MAPKAP1: variants seen among roughly 807,000 people sequenced by gnomAD.
MAPKAP1 encodes MAPK associated protein 1, also known as target of rapamycin complex 2 subunit MAPKAP1.
A neutral mutation model predicts 65.7 loss-of-function variants in MAPKAP1; 20 were observed. The observed-to-expected ratio is 0.30, with a 90% CI of 0.21 to 0.44. MAPKAP1 has a LOEUF of 0.44. Ranked by LOEUF, MAPKAP1 falls within the 20% of genes least tolerant of loss-of-function variation. The pLI is 1.00. For synonymous variants in MAPKAP1, 222 were observed against 244.3 expected, an observed-to-expected ratio of 0.91 and a Z score of 0.85; for missense variants, 423 against 648.0, an observed-to-expected ratio of 0.65 and a Z score of 3.77.
At chr9:125,523,402 T>C (rs1251026380) in intron 7 of MAPKAP1, among the ~76,000 whole-genome samples, 3 of 152,094 alleles carry the variant, frequency 2.0e-5, no homozygotes, top group Non-Finnish European at 4.4e-5. Context: ...ATTTAAGCAG[T>C]TGGGAGAATT....
chr9:125,608,870 T>C (rs1832515949), intron 4 of MAPKAP1, among the ~76,000 whole-genome samples: 1 of 152,162 alleles, frequency 6.6e-6, no homozygotes, highest in Admixed American at 6.5e-5. Context: ...AAGAGAAATA[T>C]ACAAAGATGA....
At chr9:125,494,979 C>T (rs1422600007) in intron 8 of MAPKAP1, among the ~76,000 whole-genome samples, 1 of 152,164 alleles carries the variant, frequency 6.6e-6, no homozygotes, top group Non-Finnish European at 1.5e-5. Flanking sequence ...AAAGTGAATC[C>T]AATACCCTTT....
intron 6 of MAPKAP1, among the ~76,000 whole-genome samples, chr9:125,557,631 C>G (rs762013778): frequency 4.1e-5 from 6 of 147,394 alleles, no homozygotes; most frequent in Non-Finnish European, 7.4e-5. Flanking sequence ...TAATGACCAT[C>G]ATCATCAAAT....
chr9:125,484,560 C>T lies in MAPKAP1; in HGVS notation c.1090G>A (p.Glu364Lys), dbSNP rs1368517302. The T allele has an allele frequency of 1.9e-6, 3 of 1,610,816 alleles. No homozygotes were observed. The highest frequency in any genetic ancestry group is 1.7e-6 in the Non-Finnish European group (2 of 1,178,582). ...ENSSRADGVFEEDSQIDIATV... is the reference protein window; with the variant it reads ...ENSSRADGVFKEDSQIDIATV... Reference sequence around the variant, plus strand: ...GCTATGTCAATTTGCGAATCCTCCTCAAAAACCCCGTCTGCCCTTGAACCT... The same window carrying T: ...GCTATGTCAATTTGCGAATCCTCCTTAAAAACCCCGTCTGCCCTTGAACCT... Residue 364 changes from glutamate to lysine, a missense_variant, in exon 9 of 12, where the codon GAG (glutamate) becomes AAG (lysine). By Grantham distance (56) the Glu-to-Lys change is moderately conservative. Transcript: ENST00000265960.
intron 8 of MAPKAP1, among the ~76,000 whole-genome samples, chr9:125,504,953 T>C (rs745316787): frequency 6.6e-6 from 1 of 152,200 alleles, no homozygotes; most frequent in African/African-American, 2.4e-5. Flanking sequence ...CTACAGCAGA[T>C]CTATATGAAG....
At chr9:125,585,850 T>C in intron 4 of MAPKAP1, 123 bp from the exon 5 acceptor site, 1 of 891,412 alleles carries the variant, frequency 1.1e-6, no homozygotes, top group Admixed American at 2.7e-5. Context: ...ACTGTGACCA[T>C]GGAATGGTCC....
chr9:125,475,862 G>C (rs1441235094), intron 9 of MAPKAP1, among the ~76,000 whole-genome samples: 3 of 152,196 alleles, frequency 2.0e-5, no homozygotes, highest in East Asian at 1.9e-4. Context: ...GGGAAAACCT[G>C]ATCTTCCCCA....
chr9:125,622,228 A>C (rs1832924867), intron 4 of MAPKAP1, among the ~76,000 whole-genome samples: 1 of 152,116 alleles, frequency 6.6e-6, no homozygotes, highest in Non-Finnish European at 1.5e-5. Flanking sequence ...ACTGTAGGGT[A>C]AGTGGTTAAT....
chr9:125,627,599 AT>A (rs1833152263), intron 4 of MAPKAP1, among the ~76,000 whole-genome samples: 2 of 151,710 alleles, frequency 1.3e-5, no homozygotes, highest in South Asian at 4.2e-4. Context: ...ACTCTTTTTT[AT>A]TTTTTTTAAG....
At chr9:125,462,671 G>A (rs1269616052) in intron 10 of MAPKAP1, among the ~76,000 whole-genome samples, 1 of 152,194 alleles carries the variant, frequency 6.6e-6, no homozygotes, top group South Asian at 2.1e-4. Context: ...GGAGCTATTT[G>A]CAAACCTATG....
At chr9:125,624,014 C>G (rs1266971815) in intron 4 of MAPKAP1, among the ~76,000 whole-genome samples, 2 of 40,696 alleles carry the variant, frequency 4.9e-5, no homozygotes, top group Admixed American at 2.3e-4. Flanking sequence ...GGCCAGCCGC[C>G]CCGTCTGGGA....
chr9:125,581,166 G>A (rs1831613006), intron 5 of MAPKAP1, among the ~76,000 whole-genome samples: 1 of 152,222 alleles, frequency 6.6e-6, no homozygotes, highest in Non-Finnish European at 1.5e-5. Context: ...ATACACATTT[G>A]TATACAGGTT....
Position 125,444,374 on chromosome 9 carries a change from C to T in MAPKAP1, c.1443+127G>A, listed in dbSNP as rs2132926570. On this transcript the variant is annotated intron_variant, in intron 11 of 11. Coordinates refer to ENST00000265960, the MANE Select transcript of MAPKAP1 (RefSeq NM_001006617.3). ...GCTGGCAAGCTGCGACACTCCTCCT[C>T]TGCCAAACTGGGCCCGGGAACCTTC... is the stretch of plus-strand genomic sequence containing the variant. The T allele has an allele frequency of 5.6e-6, 4 of 711,124 alleles. No homozygotes were observed. In the South Asian group the frequency reaches 7.8e-5, roughly 14 times the overall value. 44.1% of individuals were successfully genotyped at this position (711,124 alleles called of 1,614,324 possible).
At chr9:125,635,488 A>C (rs2131696518) in intron 4 of MAPKAP1, among the ~76,000 whole-genome samples, 1 of 152,324 alleles carries the variant, frequency 6.6e-6, no homozygotes, top group East Asian at 1.9e-4. Flanking sequence ...AACAGAGATC[A>C]CTGCTCTACT....
intron 3 of MAPKAP1, among the ~76,000 whole-genome samples, chr9:125,665,171 G>A (rs1230321915): frequency 6.6e-6 from 1 of 152,064 alleles, no homozygotes; most frequent in African/African-American, 2.4e-5. Flanking sequence ...AGCCAAGCAT[G>A]GTGGCACACG....
At chr9:125,503,175 GACA>G (rs1194365261) in intron 8 of MAPKAP1, among the ~76,000 whole-genome samples, 1 of 152,186 alleles carries the variant, frequency 6.6e-6, no homozygotes, top group Non-Finnish European at 1.5e-5. Context: ...TCTTACAGAT[GACA>G]ACAACTACTA....
chr9:125,506,358 T>A lies in MAPKAP1; in HGVS notation c.1018A>T (p.Thr340Ser), dbSNP rs771538039. The change falls in exon 8 of 12, where the codon ACT becomes TCT. Residue 340 changes from threonine to serine, a missense_variant. This residue lies in a region of MAPKAP1 where 185 missense variants were observed against 268.1 expected (regional missense o/e 0.69). Coordinates refer to ENST00000265960, the MANE Select transcript of MAPKAP1 (RefSeq NM_001006617.3). ...TCCCATGCGCTCTGGCTCTCCAAAG[T>A]GCTGTCCAGGTCAACGGCGACATTG... is the stretch of plus-strand genomic sequence containing the variant. ...EPNVAVDLDS[T>S]LESQSAWEFC... 1.2e-4 allele frequency: 192 copies of A among 1,613,940 alleles called. No homozygotes were observed. Among genetic ancestry groups the A allele is most frequent in the Non-Finnish European group, 1.6e-4 (187 of 1,180,034 alleles).
At chr9:125,442,535 A>AT (rs35920975) in intron 11 of MAPKAP1, among the ~76,000 whole-genome samples, 4 of 82,084 alleles carry the variant, frequency 4.9e-5, no homozygotes, top group Non-Finnish European at 1.0e-4. Flanking sequence ...AATGCTGGCT[A>AT]TAAAAAAAAA....
chr9:125,464,859 A>G (rs1038963117), intron 10 of MAPKAP1, among the ~76,000 whole-genome samples: 2 of 152,236 alleles, frequency 1.3e-5, no homozygotes, highest in South Asian at 2.1e-4. Context: ...CTTGAGTTCT[A>G]TGCCTTATGA....
Sources: gnomAD v4.1 joint callset for allele counts (sites outside exome capture counted in the v4.1 genomes callset) on GRCh38, gnomAD v4.1.1 for gene constraint, gnomAD v4.1.1 regional missense constraint, MANE v1.5 for transcripts, NCBI Gene and HGNC (gene_info 2026-07-23, HGNC 2026-07-21) for gene names.